The following LMBR1L variants were observed in gnomAD, a reference collection of about 807,000 sequenced individuals.
LMBR1L encodes the protein protein LMBR1L.
LMBR1L carries 47 observed loss-of-function variants against 67.3 expected under a neutral mutation model. That is an observed-to-expected ratio of 0.70 (90% CI 0.55 to 0.89). LMBR1L has a LOEUF of 0.89. Among genes scored for constraint, LMBR1L ranks in the 40% least tolerant of loss-of-function variants. The probability of loss-of-function intolerance (pLI) is 0.00; values close to 1 mark genes in which losing one functional copy is unlikely to be tolerated. For missense variants in LMBR1L, 533 were observed against 599.2 expected (o/e 0.89, Z 1.15); for synonymous variants, 247 against 250.3 (o/e 0.99, Z 0.13).
Position 49,097,721 on chromosome 12 carries a change from A to G in LMBR1L, c.1421T>C (p.Leu474Pro). The G allele has an allele frequency of 6.2e-7, 1 of 1,613,970 alleles. No individual in the cohort carries two copies. The highest frequency in any genetic ancestry group is 8.5e-7 in the Non-Finnish European group (1 of 1,179,986). The change falls in exon 17 of 17, where the codon CTG (leucine) becomes CCG (proline). Residue 474 changes from leucine to proline, a missense_variant. By Grantham distance (98) the Leu-to-Pro change is moderately conservative (BLOSUM62 -3). Transcript: ENST00000267102. ...IRAFGLDRLP[L>P]PVSGFPQASR... The stretch of plus-strand genomic sequence containing the variant: ...TGCCTGGGGGAAACCGGAGACGGGC[A>G]GCGGCAGTCTGTCCAGCCCTGGAGA...
intron 15 of LMBR1L, among the ~76,000 whole-genome samples, chr12:49,099,151 G>C (rs1939790631): frequency 2.4e-5 from 3 of 125,230 alleles, no homozygotes; most frequent in African/African-American, 9.1e-5. Context: ...TTCTGAGACA[G>C]AGTCTCGCTC....
chr12:49,100,696 A>C, intron 13 of LMBR1L, 50 bp from the exon 14 acceptor site: 1,039 of 1,343,206 alleles, frequency 7.7e-4, no homozygotes, highest in Non-Finnish European at 9.8e-4. Context: ...TTAATAACTC[A>C]TCTCAAAGGG....
At chr12:49,102,716 G>A (rs1940362877) in intron 8 of LMBR1L, among the ~76,000 whole-genome samples, 171 bp downstream of exon 8, 1 of 152,174 alleles carries the variant, frequency 6.6e-6, no homozygotes, top group Non-Finnish European at 1.5e-5. Flanking sequence ...ATTCTGCCCT[G>A]CATGTCTAGT....
At position 49,106,005 on chromosome 12, in the gene LMBR1L, C is replaced by A. The variant is rs187393425; in HGVS notation, c.158-48G>T. 5.8e-6 allele frequency: 9 copies of A among 1,543,632 alleles called. No individual in the cohort carries two copies. The African/African-American group carries it at 6.8e-5, about 12-fold the overall frequency. Reference sequence around the variant, plus strand: ...GAACAGGCAGGAGGACATCAGGGGGCAGCTCTGAGGCCGTTAGTATTACAA... The same window carrying A: ...GAACAGGCAGGAGGACATCAGGGGGAAGCTCTGAGGCCGTTAGTATTACAA... On this transcript the variant is annotated intron_variant, in intron 2 of 16. Coordinates refer to ENST00000267102, the MANE Select transcript of LMBR1L (RefSeq NM_018113.4).
intron 2 of LMBR1L, 31 bp from the exon 3 acceptor site, chr12:49,105,988 AG>A (rs1274281370): frequency 5.0e-6 from 8 of 1,607,454 alleles, no homozygotes. Context: ...GGGAACAGGC[AG>A]GAGGACATCA....
intron 1 of LMBR1L, chr12:49,109,761 T>A: frequency 4.4e-6 from 2 of 456,302 alleles, no homozygotes; most frequent in South Asian, 3.1e-5. Flanking sequence ...GTGCGCAAGG[T>A]TCAGTTGTCG....
At chr12:49,105,373 A>T (rs1592219593) in intron 3 of LMBR1L, 1 of 177,766 alleles carries the variant, frequency 5.6e-6, no homozygotes, top group East Asian at 1.5e-4. Context: ...TTCATAGCCA[A>T]GGTCTATGCC....
intron 5 of LMBR1L, chr12:49,104,047 T>C: frequency 1.9e-6 from 1 of 517,850 alleles, no homozygotes; most frequent in Non-Finnish European, 3.4e-6. Flanking sequence ...CTTGTCATTG[T>C]GTGCTCTGGG....
Position 49,102,330 on chromosome 12 carries a change from T to C in LMBR1L, c.816A>G (p.Arg272=). The change falls in exon 10 of 17, where the codon AGA becomes AGG. Residue 272 remains arginine, a synonymous_variant. Coordinates refer to ENST00000267102, the MANE Select transcript of LMBR1L (RefSeq NM_018113.4). ...WLPLDMELLH[R]QVLALQTQRV... ...TCTGTGTCTGCAGAGCCAGGACCTG[T>C]CTGTGTAGCAGCTCCATGTCTAAAG... 6.2e-7 allele frequency: 1 copy of C among 1,614,204 alleles called. No homozygotes were observed. Among genetic ancestry groups the C allele is most frequent in the Non-Finnish European group, 8.5e-7 (1 of 1,180,018 alleles).
In LMBR1L at chr12:49,103,800, C is replaced by A. The variant is rs1307341975; in HGVS notation, c.449G>T (p.Arg150Leu). The stretch of plus-strand genomic sequence containing the variant: ...CAACATCACCACTGTCTCATAGACC[C>A]GGCCCAGGACACCCTACGGGAGGAG... ...FAGSRKGVLG[R>L]VYETVVMLML... is the part of the protein sequence containing the mutation. The change falls in exon 6 of 17, where the codon CGG becomes CTG. Residue 150 changes from arginine (R) to leucine (L), a missense_variant. By Grantham distance (102) the Arg-to-Leu change is moderately radical (BLOSUM62 -2). Transcript: ENST00000267102. The A allele has an allele frequency of 6.2e-7, 1 of 1,612,744 alleles. No individual in the cohort carries two copies. The highest frequency in any genetic ancestry group is 8.5e-7 in the Non-Finnish European group (1 of 1,179,366).
At chr12:49,104,579 GGTCA>G (rs775488895) in intron 4 of LMBR1L, 28 bp from the exon 5 acceptor site, 15 of 1,589,262 alleles carry the variant, frequency 9.4e-6, no homozygotes, top group Non-Finnish European at 9.5e-6. Context: ...GAGCAGAAGT[GGTCA>G]GTAAGGGGAG....
chr12:49,110,391 G>A (rs915867657), intron 1 of LMBR1L, 93 bp downstream of exon 1: 3 of 1,259,760 alleles, frequency 2.4e-6, no homozygotes, highest in Non-Finnish European at 2.3e-6. Context: ...GCCCAGGCAT[G>A]GTTTGACGGC....
chr12:49,103,897 A>G (rs1940551158), intron 5 of LMBR1L, 84 bp from the exon 6 acceptor site: 3 of 1,456,382 alleles, frequency 2.1e-6, no homozygotes. Context: ...TGCAGGAACC[A>G]GAAAGGTTTG....
chr12:49,098,583 A>G (rs1309848973), intron 15 of LMBR1L, among the ~76,000 whole-genome samples: 2 of 152,092 alleles, frequency 1.3e-5, no homozygotes, highest in African/African-American at 2.4e-5. Context: ...AACACACATA[A>G]AGCACTGTCT....
chr12:49,109,734 T>C (rs954331069), intron 1 of LMBR1L: 3 of 456,462 alleles, frequency 6.6e-6, no homozygotes, highest in African/African-American at 2.0e-5. Flanking sequence ...TACCCCAGAA[T>C]TGAGTAGTCC....
rs780650160 is a variant in LMBR1L at position 49,110,494 on chromosome 12, C to T, written c.62G>A (p.Arg21His). ...GGGCCCCGCACTCACAATACACTCG[C>T]GGATCCTCTCGTGGAATAGCTGTTC... is the stretch of plus-strand genomic sequence containing the variant. ...VREQLFHERI[R>H]ECIISTLLFA... Residue 21 changes from arginine to histidine, a missense_variant, in exon 1 of 17, where the codon CGC becomes CAC. Physicochemically the swap from Arg to His is conservative, Grantham distance 29. Coordinates refer to ENST00000267102, the MANE Select transcript of LMBR1L (RefSeq NM_018113.4). 9 of 1,613,872 alleles carry T rather than the reference C, an allele frequency of 5.6e-6. No individual in the cohort carries two copies. The highest frequency in any genetic ancestry group is 2.2e-5 in the South Asian group (2 of 91,080).
intron 3 of LMBR1L, among the ~76,000 whole-genome samples, chr12:49,105,463 C>T (rs1940777190): frequency 6.6e-6 from 1 of 152,182 alleles, no homozygotes; most frequent in Non-Finnish European, 1.5e-5. Context: ...GATCTATTGA[C>T]TCAAAGGAGT....
At chr12:49,109,506 C>T (rs1941296309) in intron 1 of LMBR1L, among the ~76,000 whole-genome samples, 1 of 152,212 alleles carries the variant, frequency 6.6e-6, no homozygotes, top group Admixed American at 6.5e-5. Context: ...CTGGCTAGAG[C>T]CCAGCCTGAG....
rs1405044576 is a variant in LMBR1L at position 49,103,785 on chromosome 12, A to T, written c.464T>A (p.Val155Glu). ...KGVLGRVYET[V>E]VMLMLLTLLV... Reference sequence around the variant, plus strand: ...CAGAGTGAGGAGCATCAACATCACCACTGTCTCATAGACCCGGCCCAGGAC... The same window carrying T: ...CAGAGTGAGGAGCATCAACATCACCTCTGTCTCATAGACCCGGCCCAGGAC... Residue 155 changes from valine (V) to glutamate (E), a missense_variant, in exon 6 of 17, where the codon GTG (valine) becomes GAG (glutamate). Physicochemically the swap from Val to Glu is moderately radical, Grantham distance 121. Transcript: ENST00000267102. The T allele has an allele frequency of 6.2e-7, 1 of 1,613,932 alleles. No homozygotes were observed. Among genetic ancestry groups the T allele is most frequent in the East Asian group, 2.2e-5 (1 of 44,872 alleles).
Sources: gnomAD v4.1 joint callset for allele counts (sites outside exome capture counted in the v4.1 genomes callset) on GRCh38, gnomAD v4.1.1 for gene constraint, MANE v1.5 for transcripts, NCBI Gene and HGNC (gene_info 2026-07-23, HGNC 2026-07-21) for gene names.